CD4: variants seen among roughly 807,000 people sequenced by gnomAD.
The protein encoded by CD4 is T-cell surface glycoprotein CD4.
A neutral mutation model predicts 50.5 loss-of-function variants in CD4; 25 were observed. The ratio of observed to expected loss-of-function variants is 0.49; its 90% CI spans 0.36 to 0.69. The LOEUF is 0.69. Ranked by LOEUF, CD4 falls within the 30% of genes least tolerant of loss-of-function variation. The pLI is 0.00. For missense variants in CD4, 456 were observed against 548.5 expected, an observed-to-expected ratio of 0.83 and a Z score of 1.68; for synonymous variants, 207 against 221.9, an observed-to-expected ratio of 0.93 and a Z score of 0.60.
chr12:6,809,298 C>A (rs1365555040), intron 3 of CD4, among the ~76,000 whole-genome samples: 1 of 152,098 alleles, frequency 6.6e-6, no homozygotes, highest in African/African-American at 2.4e-5. Flanking sequence ...GATTTCGAGA[C>A]CAGCCTGGGC....
intron 3 of CD4, among the ~76,000 whole-genome samples, chr12:6,805,285 A>G (rs112070424): frequency 0.018 from 2,708 of 151,716 alleles, 75 homozygotes; most frequent in East Asian, 0.071. Flanking sequence ...GCGTAGGGCC[A>G]GGTGCAGTGG....
intron 3 of CD4, among the ~76,000 whole-genome samples, chr12:6,804,492 T>C (rs1942665221): frequency 6.6e-6 from 1 of 152,218 alleles, no homozygotes; most frequent in Non-Finnish European, 1.5e-5. Context: ...TTGCAGAATA[T>C]AAGATAAACA....
chr12:6,814,379 G>A (rs1371701967), intron 4 of CD4, 79 bp downstream of exon 4: 4 of 1,471,628 alleles, frequency 2.7e-6, no homozygotes, highest in Admixed American at 4.2e-5. Context: ...ACCAAATCCA[G>A]CCTGAGCTGG....
At position 6,798,139 on chromosome 12, in the gene CD4, C is replaced by T. The variant is rs146850837; in HGVS notation, c.-67-1933C>T. ...AATAGAGAACGGAGAATGGTGATGA[C>T]TTTCACCAAGCACACTGCCTGCAAG... On this transcript the variant is annotated intron_variant, in intron 1 of 9. Coordinates refer to ENST00000011653, the MANE Select transcript of CD4 (RefSeq NM_000616.5). Among the ~76,000 whole-genome samples the T allele has an allele frequency of 4.6e-3, 692 of 151,788 alleles. 2 individuals are homozygous for T. Among genetic ancestry groups the T allele is most frequent in the African/African-American group, 0.016 (657 of 41,384 alleles).
intron 3 of CD4, among the ~76,000 whole-genome samples, chr12:6,809,050 G>T (rs190828048): frequency 5.1e-4 from 78 of 152,186 alleles, no homozygotes; most frequent in Middle Eastern, 3.4e-3. Context: ...TCTTCCTTCA[G>T]AACAGCTCCC....
intron 7 of CD4, among the ~76,000 whole-genome samples, chr12:6,817,823 A>T (rs1166166983): frequency 6.6e-6 from 1 of 151,046 alleles, no homozygotes; most frequent in Non-Finnish European, 1.5e-5. Context: ...CCATGCACTC[A>T]CACACTGTCA....
chr12:6,813,885 G>T (rs1379250611), intron 3 of CD4, among the ~76,000 whole-genome samples: 1 of 152,156 alleles, frequency 6.6e-6, no homozygotes, highest in Non-Finnish European at 1.5e-5. Flanking sequence ...GATGATGCCT[G>T]TAAAGTATTT....
At chr12:6,805,802 T>G (rs1942736011) in intron 3 of CD4, among the ~76,000 whole-genome samples, 1 of 151,574 alleles carries the variant, frequency 6.6e-6, no homozygotes, top group Non-Finnish European at 1.5e-5. Context: ...GTTGGCCAGG[T>G]GTAGTGGCTT....
chr12:6,791,042 A>G (rs1379026743), intron 1 of CD4, among the ~76,000 whole-genome samples: 1 of 152,236 alleles, frequency 6.6e-6, no homozygotes, highest in African/African-American at 2.4e-5. Flanking sequence ...GCCCCTGAGG[A>G]CAGCGTTAGA....
chr12:6,802,300 T>G (rs1942588365), intron 3 of CD4, among the ~76,000 whole-genome samples: 1 of 151,960 alleles, frequency 6.6e-6, no homozygotes, highest in African/African-American at 2.4e-5. Flanking sequence ...GCTAACATTT[T>G]GATTGATTTT....
At chr12:6,807,148 C>G (rs115202969) in intron 3 of CD4, among the ~76,000 whole-genome samples, 2,210 of 149,732 alleles carry the variant, frequency 0.015, 56 homozygotes, top group African/African-American at 0.048. Context: ...ACCTGGGAGA[C>G]GGAGGGAGAC....
intron 4 of CD4, 183 bp downstream of exon 4, chr12:6,814,483 G>A (rs1015998010): frequency 2.4e-5 from 16 of 679,288 alleles, no homozygotes; most frequent in Non-Finnish European, 3.7e-5. Flanking sequence ...GCTGGTGGGC[G>A]GAGGAGGGAA....
At position 6,799,938 on chromosome 12, in the gene CD4, A is replaced by G. The variant is rs527922181; in HGVS notation, c.-67-134A>G. On this transcript the variant is annotated intron_variant, in intron 1 of 9. Coordinates refer to ENST00000011653, the MANE Select transcript of CD4 (RefSeq NM_000616.5). ...TCATTCCTTCCTTAATCCAACCTCC[A>G]ATTCCCTCTGCTATTCTCCTGCCTC... 4.4e-5 allele frequency: 26 copies of G among 589,400 alleles called. No homozygotes were observed. The East Asian group carries it at 7.0e-4, about 16-fold the overall frequency. The allele number at this position is 589,400 out of a possible 1,614,324, so 36.5% of individuals were successfully genotyped here.
Position 6,819,216 on chromosome 12 carries a change from G to A in CD4, c.1347-83G>A, listed in dbSNP as rs561696022. 135 of 1,368,418 alleles carry A rather than the reference G, an allele frequency of 9.9e-5. 1 individual carries two copies. Among genetic ancestry groups the A allele is most frequent in the Admixed American group, 2.5e-4 (15 of 59,560 alleles). 84.8% of individuals were successfully genotyped at this position (1,368,418 alleles called of 1,614,324 possible). A position where few individuals can be genotyped will look rare whatever the true frequency, so the allele number is the denominator to read the frequency against. ...TGGAAAGCCACTGGAGCTGTGCTGCGCTGGAAAGGCCATTGGAGGTGCTAG... is the reference window on the plus strand; with the variant it reads ...TGGAAAGCCACTGGAGCTGTGCTGCACTGGAAAGGCCATTGGAGGTGCTAG... On this transcript the variant is annotated intron_variant, in intron 9 of 9. Transcript: ENST00000011653.
intron 3 of CD4, among the ~76,000 whole-genome samples, chr12:6,807,612 T>C (rs782714592): frequency 9.9e-5 from 15 of 152,256 alleles, no homozygotes; most frequent in African/African-American, 3.1e-4. Flanking sequence ...AACAACCTTA[T>C]GGCGCCGGAA....
rs140748966 is a variant in CD4 at position 6,800,778 on chromosome 12, A to G, written c.214+307A>G. Reference sequence around the variant, plus strand: ...GTTGCTACAGACCTATGTAGATAATACTTTGCACAGTGACTCATATGTATA... The same window carrying G: ...GTTGCTACAGACCTATGTAGATAATGCTTTGCACAGTGACTCATATGTATA... On this transcript the variant is annotated intron_variant, in intron 3 of 9. Coordinates refer to ENST00000011653, the MANE Select transcript of CD4 (RefSeq NM_000616.5). Among the ~76,000 whole-genome samples the G allele has an allele frequency of 5.1e-3, 773 of 152,298 alleles. 6 individuals are homozygous for G. Among genetic ancestry groups the G allele is most frequent in the African/African-American group, 0.018 (730 of 41,562 alleles).
chr12:6,807,212 A>C (rs1942792055), intron 3 of CD4, among the ~76,000 whole-genome samples: 1 of 152,146 alleles, frequency 6.6e-6, no homozygotes, highest in African/African-American at 2.4e-5. Flanking sequence ...CAATCCAGCA[A>C]TATTGCACCC....
intron 3 of CD4, among the ~76,000 whole-genome samples, chr12:6,810,750 A>G (rs1473781881): frequency 6.6e-6 from 1 of 152,194 alleles, no homozygotes; most frequent in Non-Finnish European, 1.5e-5. Context: ...GGAACTGTGA[A>G]AGGAATGTAG....
chr12:6,818,593 T>C lies in CD4; in HGVS notation c.1278+51T>C. ...ACAAGGCCCTCAAACCCCTGAGTCC[T>C]CTACCAGGAGATCCTGTATATGGGA... On this transcript the variant is annotated intron_variant, in intron 8 of 9. Transcript: ENST00000011653. The surrounding 1 kb of genome is among the most constrained non-coding windows in gnomAD (Gnocchi z 5.0). The C allele has an allele frequency of 6.2e-7, 1 of 1,607,310 alleles. No individual in the cohort carries two copies. The highest frequency in any genetic ancestry group is 8.5e-7 in the Non-Finnish European group (1 of 1,177,060).
Sources: allele counts gnomAD v4.1 joint callset (sites outside exome capture counted in the v4.1 genomes callset), GRCh38; gene constraint gnomAD v4.1.1; non-coding constraint Gnocchi (gnomAD v3.1); transcripts MANE v1.5; gene names NCBI Gene and HGNC (gene_info 2026-07-23, HGNC 2026-07-21).